PPP2R2B: variants seen among roughly 807,000 people sequenced by gnomAD.
PPP2R2B encodes the protein serine/threonine-protein phosphatase 2A 55 kDa regulatory subunit B beta isoform.
A neutral mutation model predicts 46.0 loss-of-function variants in PPP2R2B; 5 were observed. The ratio of observed to expected loss-of-function variants is 0.11; its 90% CI spans 0.06 to 0.23. The LOEUF (loss-of-function observed/expected upper bound fraction) is 0.23. Ranked by LOEUF, PPP2R2B falls within the 10% of genes least tolerant of loss-of-function variation. The pLI is 1.00. For missense variants in PPP2R2B, 367 were observed against 575.0 expected, an observed-to-expected ratio of 0.64 and a Z score of 3.70; for synonymous variants, 215 against 206.7, an observed-to-expected ratio of 1.04 and a Z score of -0.34.
intron 1 of PPP2R2B, among the ~76,000 whole-genome samples, chr5:146,942,800 T>C (rs1203178806): frequency 1.3e-5 from 2 of 151,696 alleles, no homozygotes; most frequent in Non-Finnish European, 2.9e-5. Flanking sequence ...TGTGAATCCA[T>C]AGTTTTTTTT....
At chr5:146,838,109 G>A (rs1759404422) in intron 2 of PPP2R2B, among the ~76,000 whole-genome samples, 1 of 152,172 alleles carries the variant, frequency 6.6e-6, no homozygotes, top group Non-Finnish European at 1.5e-5. Context: ...ATAAATGAAA[G>A]AAGAATTTAA....
At chr5:146,862,779 G>C (rs1056145920) in intron 2 of PPP2R2B, among the ~76,000 whole-genome samples, 2 of 126,870 alleles carry the variant, frequency 1.6e-5, no homozygotes, top group Non-Finnish European at 3.3e-5. Flanking sequence ...TTTTTTTTTT[G>C]CCTTTTCAGC....
At chr5:146,600,602 G>T in intron 7 of PPP2R2B, 142 bp from the exon 8 acceptor site, 1 of 777,224 alleles carries the variant, frequency 1.3e-6, no homozygotes, top group Non-Finnish European at 2.0e-6. Context: ...TGCTAATAGA[G>T]AACTGTCATC....
chr5:146,980,625 G>C (rs1048680234), intron 1 of PPP2R2B, among the ~76,000 whole-genome samples: 1 of 152,166 alleles, frequency 6.6e-6, no homozygotes, highest in African/African-American at 2.4e-5. Flanking sequence ...GGCTGGGAAA[G>C]ACTTGAACAT....
At chr5:147,054,381 T>C (rs957158672) in intron 1 of PPP2R2B, among the ~76,000 whole-genome samples, 13 of 152,146 alleles carry the variant, frequency 8.5e-5, no homozygotes, top group African/African-American at 3.1e-4. Flanking sequence ...CCCCTCAATA[T>C]GGATAAGGAC....
intron 1 of PPP2R2B, among the ~76,000 whole-genome samples, chr5:146,925,640 T>G (rs1004533675): frequency 1.3e-5 from 2 of 152,206 alleles, no homozygotes; most frequent in African/African-American, 4.8e-5. Flanking sequence ...TTATCCTGCT[T>G]GGGTTTCTTT....
chr5:146,623,638 A>T (rs1412435846), intron 7 of PPP2R2B, among the ~76,000 whole-genome samples: 1 of 152,240 alleles, frequency 6.6e-6, no homozygotes, highest in Non-Finnish European at 1.5e-5. Context: ...ATGCTATTTG[A>T]CCCTGGGATT....
At chr5:146,943,332 G>GTAC (rs1764381248) in intron 1 of PPP2R2B, among the ~76,000 whole-genome samples, 1 of 152,096 alleles carries the variant, frequency 6.6e-6, no homozygotes, top group South Asian at 2.1e-4. Flanking sequence ...CAAAGGCCTT[G>GTAC]TACTAATTCA....
intron 5 of PPP2R2B, among the ~76,000 whole-genome samples, chr5:146,689,610 C>A (rs1207516988): frequency 6.6e-6 from 1 of 152,180 alleles, no homozygotes; most frequent in Non-Finnish European, 1.5e-5. Flanking sequence ...ATATTCCCAT[C>A]ATTAAGTGAT....
intron 1 of PPP2R2B, among the ~76,000 whole-genome samples, chr5:146,938,232 G>A (rs1369967568): frequency 1.3e-5 from 2 of 152,094 alleles, no homozygotes; most frequent in Non-Finnish European, 2.9e-5. Context: ...ACTATCTATT[G>A]CAAGATGTAC....
chr5:146,688,190 G>A (rs1172087421), intron 5 of PPP2R2B, among the ~76,000 whole-genome samples: 1 of 152,016 alleles, frequency 6.6e-6, no homozygotes, highest in African/African-American at 2.4e-5. Flanking sequence ...GAAAGGAGAG[G>A]AGGTAAATAC....
At chr5:147,007,073 A>G (rs1015040376) in intron 1 of PPP2R2B, among the ~76,000 whole-genome samples, 2 of 152,166 alleles carry the variant, frequency 1.3e-5, no homozygotes, top group East Asian at 3.9e-4. Flanking sequence ...ATCAAGCTAC[A>G]GATGGTCTTA....
At chr5:146,902,501 T>C (rs1245233819) in intron 1 of PPP2R2B, among the ~76,000 whole-genome samples, 1 of 152,224 alleles carries the variant, frequency 6.6e-6, no homozygotes, top group Non-Finnish European at 1.5e-5. Flanking sequence ...GGCTTTGTTA[T>C]ATGCATTTTA....
intron 1 of PPP2R2B, among the ~76,000 whole-genome samples, chr5:146,963,083 A>G (rs1363577027): frequency 6.6e-6 from 1 of 152,214 alleles, no homozygotes; most frequent in African/African-American, 2.4e-5. Flanking sequence ...GCAATTATTC[A>G]AGAACAAATT....
chr5:146,778,245 G>T (rs899607913), intron 2 of PPP2R2B, among the ~76,000 whole-genome samples: 11 of 152,276 alleles, frequency 7.2e-5, no homozygotes, highest in African/African-American at 1.7e-4. Flanking sequence ...AGCTTATCAG[G>T]TTTCATAAAG....
intron 2 of PPP2R2B, among the ~76,000 whole-genome samples, chr5:146,831,318 G>A (rs1017309729): frequency 6.6e-6 from 1 of 151,892 alleles, no homozygotes; most frequent in Admixed American, 6.6e-5. Flanking sequence ...GCAACATGGC[G>A]AAACCCCATC....
intron 2 of PPP2R2B, among the ~76,000 whole-genome samples, chr5:146,776,607 A>T (rs1755197870): frequency 6.6e-6 from 1 of 152,136 alleles, no homozygotes; most frequent in South Asian, 2.1e-4. Context: ...TTTTAATATG[A>T]CACCAAAAGC....
intron 6 of PPP2R2B, among the ~76,000 whole-genome samples, chr5:146,642,006 A>T (rs1775256906): frequency 6.6e-6 from 1 of 152,236 alleles, no homozygotes. Context: ...GGGGCTTGAC[A>T]GATCTGTTCT....
chr5:146,738,717 G>T (rs1252720391), intron 2 of PPP2R2B, among the ~76,000 whole-genome samples: 1 of 152,186 alleles, frequency 6.6e-6, no homozygotes, highest in Admixed American at 6.5e-5. Flanking sequence ...TTGGTCAGAT[G>T]TCGTTAAAGT....
Sources: gnomAD v4.1 joint callset for allele counts (sites outside exome capture counted in the v4.1 genomes callset) on GRCh38, gnomAD v4.1.1 for gene constraint, MANE v1.5 for transcripts, NCBI Gene and HGNC (gene_info 2026-07-23, HGNC 2026-07-21) for gene names.